THTPA: variants seen among roughly 807,000 people sequenced by gnomAD.
THTPA encodes the protein thiamine-triphosphatase.
In THTPA, 16 loss-of-function variants were observed where a neutral mutation model predicts 16.5. The observed-to-expected ratio is 0.97, with a 90% confidence interval of 0.66 to 1.47. THTPA has a LOEUF of 1.47. Ranked by LOEUF, THTPA falls within the 40% of genes most tolerant of loss-of-function variation. THTPA has a pLI of 0.00. For missense variants in THTPA, 281 were observed against 280.9 expected (o/e 1.00, Z 0.00); for synonymous variants, 110 against 115.5 (o/e 0.95, Z 0.30).
the THTPA span, among the ~76,000 whole-genome samples, chr14:23,518,032 GAGTAT>G: frequency 6.6e-6 from 1 of 152,180 alleles, no homozygotes; most frequent in Non-Finnish European, 1.5e-5. This position sits in a 1 kb window ranked among gnomAD's most constrained non-coding sequence, Gnocchi z 4.5. Context: ...CTGCTTATGG[GAGTAT>G]AGGTCATGGG....
At chr14:23,553,954 C>T (rs548458067), upstream of THTPA, among the ~76,000 whole-genome samples, 67 of 145,712 alleles carry the variant, frequency 4.6e-4, no homozygotes, top group African/African-American at 1.7e-3. Flanking sequence ...GTCCCAACTA[C>T]TCAGGAGGCT....
the THTPA span, chr14:23,524,989 G>T: frequency 2.4e-4 from 364 of 1,536,166 alleles, 4 homozygotes; most frequent in African/African-American, 4.6e-3. This position sits in a 1 kb window ranked among gnomAD's most constrained non-coding sequence, Gnocchi z 5.6. Context: ...AGGCATTTTT[G>T]CGTGCTTTCT....
At chr14:23,555,111 T>C (rs1418348559), upstream of THTPA, among the ~76,000 whole-genome samples, 6 of 152,088 alleles carry the variant, frequency 3.9e-5, no homozygotes, top group African/African-American at 1.4e-4. Context: ...CCTCAGCCTC[T>C]GGAGTAGCTG....
chr14:23,518,781 A>G, the THTPA span, among the ~76,000 whole-genome samples: 74,634 of 152,152 alleles, frequency 0.49, 22,720 homozygotes, highest in African/African-American at 0.87. The surrounding 1 kb of genome is among the most constrained non-coding windows in gnomAD (Gnocchi z 4.5). Flanking sequence ...CACAGGAGAA[A>G]TACCATGATT....
the THTPA span, chr14:23,531,963 A>T: frequency 1.1e-5 from 4 of 350,454 alleles, no homozygotes; most frequent in Non-Finnish European, 1.9e-5. Context: ...TTTAGTACAG[A>T]TGGGGTTTCA....
chr14:23,525,256 G>T, the THTPA span: 1 of 1,536,094 alleles, frequency 6.5e-7, no homozygotes, highest in South Asian at 1.2e-5. This position sits in a 1 kb window ranked among gnomAD's most constrained non-coding sequence, Gnocchi z 5.9. Flanking sequence ...CAGGGGCACG[G>T]GTCCCCCCTG....
the THTPA span, chr14:23,531,553 G>C: frequency 6.6e-7 from 1 of 1,522,592 alleles, no homozygotes; most frequent in South Asian, 1.2e-5. Flanking sequence ...TCAGTGGTTG[G>C]GCCATTCTGT....
At chr14:23,531,420 G>A in the THTPA span, 204 of 1,343,706 alleles carry the variant, frequency 1.5e-4, 4 homozygotes, top group South Asian at 2.5e-3. Flanking sequence ...CAGCCCCCCT[G>A]CTCCCCACAT....
the THTPA span, chr14:23,525,835 G>C: frequency 6.9e-7 from 1 of 1,456,552 alleles, no homozygotes; most frequent in Non-Finnish European, 9.0e-7. This position sits in a 1 kb window ranked among gnomAD's most constrained non-coding sequence, Gnocchi z 5.9. Flanking sequence ...TGAGATCGTG[G>C]AGGTAGAAGG....
the THTPA span, chr14:23,534,341 C>G: frequency 1.3e-6 from 2 of 1,536,620 alleles, no homozygotes; most frequent in South Asian, 1.2e-5. This position sits in a 1 kb window ranked among gnomAD's most constrained non-coding sequence, Gnocchi z 4.5. Context: ...GCCTGGACTT[C>G]TGCCTCAGGG....
chr14:23,533,609 C>A, the THTPA span: 1 of 1,536,682 alleles, frequency 6.5e-7, no homozygotes, highest in South Asian at 1.2e-5. The surrounding 1 kb of genome is among the most constrained non-coding windows in gnomAD (Gnocchi z 4.8). Flanking sequence ...TAGCTGCACA[C>A]CTTGCACTGC....
the THTPA span, chr14:23,524,775 G>A: frequency 2.0e-6 from 3 of 1,536,552 alleles, no homozygotes; most frequent in Non-Finnish European, 2.6e-6. This position sits in a 1 kb window ranked among gnomAD's most constrained non-coding sequence, Gnocchi z 5.6. Flanking sequence ...TCAAGGCCCT[G>A]TTCCTCCTCT....
At chr14:23,539,561 A>G in the THTPA span, among the ~76,000 whole-genome samples, 2 of 152,162 alleles carry the variant, frequency 1.3e-5, no homozygotes, top group African/African-American at 2.4e-5. Context: ...ACAAGAGACA[A>G]AGGGCATGGG....
the THTPA span, among the ~76,000 whole-genome samples, chr14:23,544,910 C>G: frequency 8.5e-5 from 13 of 152,196 alleles, no homozygotes; most frequent in African/African-American, 3.1e-4. Flanking sequence ...CCTTTCCTGT[C>G]CCCCATTGTT....
the THTPA span, chr14:23,529,630 A>T: frequency 7.5e-7 from 1 of 1,333,248 alleles, no homozygotes; most frequent in Non-Finnish European, 1.0e-6. Flanking sequence ...TGACAAAATT[A>T]CGTCTGCCTT....
chr14:23,532,999 G>A, the THTPA span: 1 of 1,536,186 alleles, frequency 6.5e-7, no homozygotes, highest in South Asian at 1.2e-5. Context: ...TGTCGTCTGG[G>A]GGTGGTGAGG....
the THTPA span, among the ~76,000 whole-genome samples, chr14:23,550,549 TGAA>T: frequency 6.6e-6 from 1 of 152,006 alleles, no homozygotes; most frequent in African/African-American, 2.4e-5. Context: ...AGAGACAAGA[TGAA>T]GAACAGCAAA....
chr14:23,523,411 C>T, the THTPA span: 156 of 1,526,042 alleles, frequency 1.0e-4, no homozygotes, highest in African/African-American at 1.5e-3. The surrounding 1 kb of genome is among the most constrained non-coding windows in gnomAD (Gnocchi z 4.1). Context: ...GGGCTCGAAC[C>T]GCCTCCTTGA....
the THTPA span, chr14:23,526,990 C>A: frequency 1.3e-6 from 2 of 1,490,394 alleles, no homozygotes; most frequent in Non-Finnish European, 8.9e-7. Flanking sequence ...TGAGAAAAAG[C>A]CTAGTGGCTT....
Sources: gnomAD v4.1 joint callset for allele counts (sites outside exome capture counted in the v4.1 genomes callset) on GRCh38, gnomAD v4.1.1 for gene constraint, Gnocchi (gnomAD v3.1) non-coding constraint, MANE v1.5 for transcripts, NCBI Gene and HGNC (gene_info 2026-07-23, HGNC 2026-07-21) for gene names.